PGCKA1: variants seen among roughly 807,000 people sequenced by gnomAD.
PGCKA1 encodes the protein PDCD10 and GCKIII kinases associated 1.
At chr4:37,579,753 T>G in the PGCKA1 span, among the ~76,000 whole-genome samples, 1 of 152,192 alleles carries the variant, frequency 6.6e-6, no homozygotes, top group Non-Finnish European at 1.5e-5. Context: ...CTTGAGGTAG[T>G]CTTCTTTGGG....
chr4:37,515,918 T>C, the PGCKA1 span, among the ~76,000 whole-genome samples: 1 of 152,240 alleles, frequency 6.6e-6, no homozygotes, highest in Non-Finnish European at 1.5e-5. Context: ...AATCTTAACA[T>C]ACATCATTGC....
chr4:37,507,675 CT>C, the PGCKA1 span, among the ~76,000 whole-genome samples: 5 of 152,056 alleles, frequency 3.3e-5, no homozygotes, highest in African/African-American at 7.2e-5. Flanking sequence ...ATTGGTTCAT[CT>C]TTTAGTCTTT....
the PGCKA1 span, among the ~76,000 whole-genome samples, chr4:37,500,004 G>A: frequency 7.2e-6 from 1 of 138,640 alleles, no homozygotes; most frequent in African/African-American, 2.7e-5. Context: ...CTCACTGCAA[G>A]CTCCGCTTCC....
the PGCKA1 span, among the ~76,000 whole-genome samples, chr4:37,571,713 A>G: frequency 3.3e-5 from 5 of 151,614 alleles, no homozygotes; most frequent in African/African-American, 7.3e-5. Context: ...AATTTTTTGT[A>G]TTTTTAGTAG....
At chr4:37,469,817 T>G in the PGCKA1 span, among the ~76,000 whole-genome samples, 1 of 152,174 alleles carries the variant, frequency 6.6e-6, no homozygotes, top group Non-Finnish European at 1.5e-5. Flanking sequence ...GCTATTTGAG[T>G]CAGTCTGCTC....
chr4:37,459,795 CTTTCT>C, the PGCKA1 span, among the ~76,000 whole-genome samples: 2 of 34,560 alleles, frequency 5.8e-5, no homozygotes, highest in African/African-American at 1.1e-4. Flanking sequence ...GAAGAGCTTT[CTTTCT>C]TTTTTTTTTT....
chr4:37,527,390 C>T, the PGCKA1 span, among the ~76,000 whole-genome samples: 1 of 152,152 alleles, frequency 6.6e-6, no homozygotes. Context: ...CACTCAAACT[C>T]ACTCACTGAC....
At chr4:37,513,098 AAAAGAAAG>A in the PGCKA1 span, among the ~76,000 whole-genome samples, 2 of 112,850 alleles carry the variant, frequency 1.8e-5, no homozygotes, top group Non-Finnish European at 3.8e-5. Context: ...TCAAAAAAAA[AAAAGAAAG>A]AAAGAAAGAA....
At chr4:37,468,524 G>A in the PGCKA1 span, among the ~76,000 whole-genome samples, 1 of 152,142 alleles carries the variant, frequency 6.6e-6, no homozygotes, top group Admixed American at 6.5e-5. Context: ...AGCTAATCAT[G>A]ACACTTTTGT....
chr4:37,453,713 C>G, the PGCKA1 span, among the ~76,000 whole-genome samples: 1 of 152,154 alleles, frequency 6.6e-6, no homozygotes, highest in Non-Finnish European at 1.5e-5. Context: ...CAGAGGCCAA[C>G]AAGCGCGTGG....
chr4:37,456,527 T>C, the PGCKA1 span, among the ~76,000 whole-genome samples: 8 of 152,192 alleles, frequency 5.3e-5, no homozygotes, highest in Non-Finnish European at 1.0e-4. Context: ...CAATGAATAT[T>C]AACAAATGAC....
chr4:37,557,657 A>AG, the PGCKA1 span, among the ~76,000 whole-genome samples: 84 of 152,340 alleles, frequency 5.5e-4, no homozygotes, highest in Non-Finnish European at 1.1e-3. Flanking sequence ...ATGAATTTGC[A>AG]GGGGGCACAG....
chr4:37,549,355 T>A, the PGCKA1 span, among the ~76,000 whole-genome samples: 1 of 151,342 alleles, frequency 6.6e-6, no homozygotes, highest in Non-Finnish European at 1.5e-5. Context: ...AAAAAAAAAA[T>A]GGCATTTGGA....
At chr4:37,481,243 C>T in the PGCKA1 span, among the ~76,000 whole-genome samples, 1,901 of 151,954 alleles carry the variant, frequency 0.013, 41 homozygotes, top group African/African-American at 0.042. Flanking sequence ...GGGTGGATCA[C>T]GAGGTCAAGA....
chr4:37,474,943 TTAG>T, the PGCKA1 span, among the ~76,000 whole-genome samples: 1 of 152,178 alleles, frequency 6.6e-6, no homozygotes, highest in African/African-American at 2.4e-5. Flanking sequence ...TTATAAAAAA[TTAG>T]TAGATTTTTT....
At chr4:37,562,451 G>T in the PGCKA1 span, among the ~76,000 whole-genome samples, 1 of 152,230 alleles carries the variant, frequency 6.6e-6, no homozygotes, top group East Asian at 1.9e-4. Context: ...GGCCTAAAAA[G>T]ATCGTGACTC....
the PGCKA1 span, among the ~76,000 whole-genome samples, chr4:37,577,671 A>G: frequency 6.6e-6 from 1 of 151,834 alleles, no homozygotes; most frequent in African/African-American, 2.4e-5. Flanking sequence ...TTCTTTGTTT[A>G]TGTAGGCCTG....
the PGCKA1 span, among the ~76,000 whole-genome samples, chr4:37,514,061 CTT>C: frequency 5.9e-5 from 9 of 152,150 alleles, no homozygotes; most frequent in African/African-American, 2.2e-4. Flanking sequence ...AAAGTCAAAA[CTT>C]ATATTGAATT....
the PGCKA1 span, among the ~76,000 whole-genome samples, chr4:37,550,133 T>C: frequency 4.5e-4 from 68 of 152,292 alleles, no homozygotes; most frequent in Admixed American, 3.7e-3. Flanking sequence ...ATCCAGGAAG[T>C]GACCAGCCCG....
Sources: allele counts gnomAD v4.1 joint callset (sites outside exome capture counted in the v4.1 genomes callset), GRCh38; gene constraint gnomAD v4.1.1; transcripts MANE v1.5; gene names NCBI Gene and HGNC (gene_info 2026-07-23, HGNC 2026-07-21).